ZNF675: variants seen among roughly 807,000 people sequenced by gnomAD.
The protein encoded by ZNF675 is zinc finger protein 675, also known as TRAF6 inhibitory zinc finger.
A neutral mutation model predicts 56.1 loss-of-function variants in ZNF675; 36 were observed. That is an observed-to-expected ratio of 0.64 (90% CI 0.49 to 0.85). The LOEUF (loss-of-function observed/expected upper bound fraction) is 0.85, where lower values mean the gene tolerates loss of function less well. ZNF675 is among the 40% of genes least tolerant of loss of function. ZNF675 has a pLI of 0.00. For synonymous variants in ZNF675, 200 were observed against 218.9 expected (o/e 0.91, Z 0.76); for missense variants, 663 against 654.2 (o/e 1.01, Z -0.15).
In ZNF675 at chr19:23,654,652, G is replaced by C; in HGVS notation, c.281C>G (p.Ser94Cys). The C allele has an allele frequency of 6.3e-7, 1 of 1,594,402 alleles. No individual in the cohort carries two copies. ...EFWPEQNIKDSFEKVTLRRYE... is the reference protein window; with the variant it reads ...EFWPEQNIKDCFEKVTLRRYE... Reference sequence around the variant, plus strand: ...TCTTCTCAGTGTCACTTTTTCAAAAGAATCTTTTATGTTCTGCTCTGGCCA... The same window carrying C: ...TCTTCTCAGTGTCACTTTTTCAAAACAATCTTTTATGTTCTGCTCTGGCCA... Residue 94 changes from serine to cysteine, a missense_variant, in exon 4 of 4, where the codon TCT becomes TGT. Around this residue, in one of 3 missense-constraint regions of ZNF675, gnomAD observed 617 missense variants for 590.5 expected, o/e 1.04. Transcript: ENST00000359788.
chr19:23,653,408 TG>T lies in ZNF675; in HGVS notation c.1524del (p.Tyr508Ter). On this transcript the variant is annotated frameshift_variant, in exon 4 of 4. Coordinates refer to ENST00000359788, the MANE Select transcript of ZNF675 (RefSeq NM_138330.3). LOFTEE classifies it high-confidence loss of function. ...AAAGCTTTGCCACATTCTTCACATT[TG>T]TAGGGTTTCTCCCCAGTATGAATTC... ...HKRIHTGEKP[Y>X]KCEECGKAFS... is the part of the protein sequence containing the mutation. The T allele has an allele frequency of 6.2e-7, 1 of 1,613,160 alleles. No individual in the cohort carries two copies. Among genetic ancestry groups the T allele is most frequent in the East Asian group, 2.2e-5 (1 of 44,834 alleles).
intron 3 of ZNF675, chr19:23,656,327 T>C (rs888596080): frequency 3.9e-5 from 6 of 152,190 alleles, no homozygotes; most frequent in African/African-American, 1.4e-4. Flanking sequence ...GCATTAGCAG[T>C]GGCTCATGCC....
At chr19:23,677,092 A>AAAAGAAAAAAAAAAG (rs1968307768) in intron 1 of ZNF675, among the ~76,000 whole-genome samples, 1 of 48,728 alleles carries the variant, frequency 2.1e-5, no homozygotes, top group South Asian at 8.7e-4. Flanking sequence ...AAAAAAAAAG[A>AAAAGAAAAAAAAAAG]GAAAAGAAAA....
chr19:23,671,503 C>G (rs1317244430), intron 1 of ZNF675, among the ~76,000 whole-genome samples: 1 of 152,076 alleles, frequency 6.6e-6, no homozygotes, highest in Non-Finnish European at 1.5e-5. Context: ...TACTAAGCCC[C>G]TGCCAGGTCC....
At chr19:23,660,154 A>G (rs1968056700) in intron 3 of ZNF675, among the ~76,000 whole-genome samples, 1 of 152,190 alleles carries the variant, frequency 6.6e-6, no homozygotes, top group East Asian at 1.9e-4. Flanking sequence ...CTAAAGGCAG[A>G]CCCTAGTGCA....
At chr19:23,661,670 A>G (rs1968080617) in intron 3 of ZNF675, among the ~76,000 whole-genome samples, 1 of 152,180 alleles carries the variant, frequency 6.6e-6, no homozygotes, top group Non-Finnish European at 1.5e-5. Context: ...AGCCTGGGCT[A>G]CAGAGCAAGA....
chr19:23,662,870 G>A (rs372379398), intron 2 of ZNF675, among the ~76,000 whole-genome samples, 162 bp downstream of exon 2: 129 of 152,252 alleles, frequency 8.5e-4, no homozygotes, highest in Admixed American at 2.0e-3. Flanking sequence ...TGTAGTCCCA[G>A]CTACTTGGAA....
At chr19:23,684,044 G>A (rs895380217) in intron 1 of ZNF675, among the ~76,000 whole-genome samples, 15 of 149,736 alleles carry the variant, frequency 1.0e-4, no homozygotes, top group East Asian at 2.0e-4. Flanking sequence ...GGCGGATCAC[G>A]AGGTCAGGAG....
At chr19:23,665,579 T>TCCGC (rs2144932756) in intron 1 of ZNF675, among the ~76,000 whole-genome samples, 1 of 150,362 alleles carries the variant, frequency 6.7e-6, no homozygotes, top group African/African-American at 2.4e-5. Context: ...CACTGCAACC[T>TCCGC]CCGCCCCCTG....
At position 23,653,696 on chromosome 19, in the gene ZNF675, T is replaced by C. The variant is rs1408049251; in HGVS notation, c.1237A>G (p.Thr413Ala). 1.9e-6 allele frequency: 3 copies of C among 1,613,452 alleles called. No individual in the cohort carries two copies. The highest frequency in any genetic ancestry group is 1.7e-5 in the Admixed American group (1 of 59,970). The change falls in exon 4 of 4, where the codon ACA (threonine) becomes GCA (alanine). Residue 413 changes from threonine (T) to alanine (A), a missense_variant. Around this residue, in one of 3 missense-constraint regions of ZNF675, gnomAD observed 617 missense variants for 590.5 expected, o/e 1.04. Coordinates refer to ENST00000359788, the MANE Select transcript of ZNF675 (RefSeq NM_138330.3). ...TCTCCAGTGTGAATTCTCTTATGTG[T>C]AGTAAGGGCTGAGGAGTGTTTAAAA... ...KAFKHSSALT[T>A]HKRIHTGEKP...
chr19:23,673,294 T>C (rs935050868), intron 1 of ZNF675, among the ~76,000 whole-genome samples: 2 of 152,094 alleles, frequency 1.3e-5, no homozygotes, highest in Non-Finnish European at 2.9e-5. Context: ...GAGATTCTCA[T>C]GTCTATGTGT....
intron 3 of ZNF675, 50 bp downstream of exon 3, chr19:23,662,064 T>C (rs372056402): frequency 6.7e-6 from 9 of 1,336,988 alleles, no homozygotes; most frequent in East Asian, 4.6e-5. Context: ...CTTTGACCTT[T>C]GGACCTCTCA....
At chr19:23,678,313 T>A (rs1262529252) in intron 1 of ZNF675, among the ~76,000 whole-genome samples, 3 of 149,872 alleles carry the variant, frequency 2.0e-5, no homozygotes, top group African/African-American at 7.5e-5. Context: ...GCTGGAGTAC[T>A]GTGGTGAGGT....
chr19:23,672,666 G>T (rs964581837), intron 1 of ZNF675, among the ~76,000 whole-genome samples: 3 of 152,188 alleles, frequency 2.0e-5, no homozygotes, highest in African/African-American at 7.2e-5. Context: ...AATCAAAGGA[G>T]AGGTCCACTC....
Position 23,654,215 on chromosome 19 carries a change from A to G in ZNF675, c.718T>C (p.Phe240Leu). The change falls in exon 4 of 4, where the codon TTC becomes CTC. Residue 240 changes from phenylalanine (F) to leucine (L), a missense_variant. Physicochemically the swap from Phe to Leu is conservative, Grantham distance 22. Transcript: ENST00000359788. ...CQECDRTFNQ[F>L]SNLTEYKKDY... is the part of the protein sequence containing the mutation. ...TTTTTATATTCAGTAAGGTTTGAGA[A>G]TTGGTTAAAAGTTCTGTCACATTCT... 6.2e-7 allele frequency: 1 copy of G among 1,614,024 alleles called. No individual in the cohort carries two copies. Among genetic ancestry groups the G allele is most frequent in the African/African-American group, 1.3e-5 (1 of 75,048 alleles).
In ZNF675 at chr19:23,687,146, C is replaced by G. The variant is rs556850373; in HGVS notation, c.-113G>C. On this transcript the variant is annotated 5_prime_UTR_variant, in exon 1 of 4. Coordinates refer to ENST00000359788, the MANE Select transcript of ZNF675 (RefSeq NM_138330.3). ...AGCAGAGGACACAGAGCAATGAAAG[C>G]GAGACCTGGAGCTCCGGCTGCAGCG... 7.7e-7 allele frequency: 1 copy of G among 1,307,142 alleles called. No homozygotes were observed. Among genetic ancestry groups the G allele is most frequent in the African/African-American group, 1.5e-5 (1 of 67,690 alleles). The allele number at this position is 1,307,142 out of a possible 1,614,324, so 81.0% of individuals were successfully genotyped here.
rs763824583 is a variant in ZNF675 at position 23,662,116 on chromosome 19, G to C, written c.224C>G (p.Pro75Arg). Residue 75 changes from proline (P) to arginine (R), a missense_variant and splice_region_variant, in exon 3 of 4, where the codon CCA (proline) becomes CGA (arginine). Pro to Arg is a moderately radical substitution (Grantham distance 103, BLOSUM62 -2). This residue lies in a region of ZNF675 where 617 missense variants were observed against 590.5 expected (regional missense o/e 1.04). Coordinates refer to ENST00000359788, the MANE Select transcript of ZNF675 (RefSeq NM_138330.3). Reference protein sequence around the residue: ...VKRHEMVNEPPVMCSHFAQEF... With the variant: ...VKRHEMVNEPRVMCSHFAQEF... ...TATTCACTTTCATTCTCACTTACCT[G>C]GGGGTTCATTCACCATCTCATGTCT... The C allele has an allele frequency of 6.2e-7, 1 of 1,610,848 alleles. No individual in the cohort carries two copies. The highest frequency in any genetic ancestry group is 8.5e-7 in the Non-Finnish European group (1 of 1,177,414).
intron 1 of ZNF675, among the ~76,000 whole-genome samples, chr19:23,677,059 AG>A (rs1287730293): frequency 6.8e-6 from 1 of 146,178 alleles, no homozygotes; most frequent in African/African-American, 2.6e-5. Flanking sequence ...CCTGGGCAAC[AG>A]TGCAAGACTG....
chr19:23,668,431 G>A (rs1309514201), intron 1 of ZNF675, among the ~76,000 whole-genome samples: 2 of 152,340 alleles, frequency 1.3e-5, no homozygotes, highest in African/African-American at 4.8e-5. Flanking sequence ...TACTCTCCAC[G>A]TACCCACCAG....
Sources: gnomAD v4.1 joint callset for allele counts (sites outside exome capture counted in the v4.1 genomes callset) on GRCh38, gnomAD v4.1.1 for gene constraint, gnomAD v4.1.1 regional missense constraint, MANE v1.5 for transcripts, NCBI Gene and HGNC (gene_info 2026-07-23, HGNC 2026-07-21) for gene names.